The following LINGO2 variants were observed in gnomAD, a reference collection of about 807,000 sequenced individuals.
LINGO2 encodes the protein leucine rich repeat and Ig domain containing 2, also known as leucine-rich repeat and immunoglobulin-like domain-containing nogo receptor-interacting protein 2.
Under a neutral mutation model 30.6 loss-of-function variants are expected in LINGO2, and 14 were observed. The observed-to-expected ratio is 0.46, with a 90% CI of 0.30 to 0.72. LINGO2 has a LOEUF of 0.72. Among genes scored for constraint, LINGO2 ranks in the 30% least tolerant of loss-of-function variants. LINGO2 has a pLI of 0.07. For synonymous variants in LINGO2, 317 were observed against 288.5 expected, an observed-to-expected ratio of 1.10 and a Z score of -1.00; for missense variants, 729 against 751.7, an observed-to-expected ratio of 0.97 and a Z score of 0.35.
the LINGO2 span, among the ~76,000 whole-genome samples, chr9:29,028,673 T>C: frequency 1.3e-5 from 2 of 152,168 alleles, no homozygotes; most frequent in Admixed American, 1.3e-4. Context: ...CTCGCATTCT[T>C]ACTTAGAGTT....
intron 1 of LINGO2, among the ~76,000 whole-genome samples, chr9:28,625,278 C>T (rs952141577): frequency 6.6e-6 from 1 of 152,088 alleles, no homozygotes; most frequent in East Asian, 1.9e-4. Context: ...GAGTTCAATG[C>T]CAAGTCCCTA....
At chr9:29,145,920 G>A in the LINGO2 span, among the ~76,000 whole-genome samples, 10 of 152,054 alleles carry the variant, frequency 6.6e-5, no homozygotes, top group Admixed American at 2.6e-4. Context: ...GTGCATGTAA[G>A]TTATATATGT....
intron 1 of LINGO2, among the ~76,000 whole-genome samples, chr9:28,640,143 G>T (rs1413607473): frequency 6.6e-6 from 1 of 151,968 alleles, no homozygotes; most frequent in African/African-American, 2.4e-5. Flanking sequence ...ATGTTGACTA[G>T]TGGCCCCCAC....
chr9:28,160,575 C>G (rs943987256), intron 4 of LINGO2, among the ~76,000 whole-genome samples: 1 of 152,136 alleles, frequency 6.6e-6, no homozygotes. Flanking sequence ...CCTCCTGCCC[C>G]CCTTCTGCTC....
At chr9:28,685,333 A>G in the LINGO2 span, among the ~76,000 whole-genome samples, 1 of 152,110 alleles carries the variant, frequency 6.6e-6, no homozygotes, top group African/African-American at 2.4e-5. Flanking sequence ...CCACCTGAAG[A>G]ATTAGAGATT....
chr9:28,770,687 G>C, the LINGO2 span, among the ~76,000 whole-genome samples: 2 of 152,042 alleles, frequency 1.3e-5, no homozygotes, highest in Non-Finnish European at 2.9e-5. Flanking sequence ...TCACCATCAA[G>C]ATATACTGCT....
At chr9:27,950,519 G>A (rs868158204) in exon 6 of LINGO2, 1 of 1,581,374 alleles carries the variant, frequency 6.3e-7, no homozygotes, top group Non-Finnish European at 8.6e-7. Context: ...TGCCCTCTGG[G>A]ATGGCGATCA....
At chr9:29,126,855 C>G in the LINGO2 span, among the ~76,000 whole-genome samples, 1 of 152,022 alleles carries the variant, frequency 6.6e-6, no homozygotes, top group African/African-American at 2.4e-5. Flanking sequence ...AAAAGGAAAA[C>G]CTCAACTTTC....
At chr9:28,204,487 A>T (rs755278968) in intron 4 of LINGO2, among the ~76,000 whole-genome samples, 2 of 152,098 alleles carry the variant, frequency 1.3e-5, no homozygotes, top group Non-Finnish European at 2.9e-5. Context: ...ATGGTTACTT[A>T]TTCTAATCAT....
intron 4 of LINGO2, among the ~76,000 whole-genome samples, chr9:28,244,398 A>G (rs1821922868): frequency 6.6e-6 from 1 of 152,190 alleles, no homozygotes; most frequent in Admixed American, 6.5e-5. Context: ...CGACAGAACT[A>G]CAGATGCAAG....
At chr9:28,724,682 G>C in the LINGO2 span, among the ~76,000 whole-genome samples, 1 of 152,118 alleles carries the variant, frequency 6.6e-6, no homozygotes. Context: ...AGCTGATGTG[G>C]GTTGGGAAAA....
chr9:28,813,191 G>A, the LINGO2 span, among the ~76,000 whole-genome samples: 2 of 152,038 alleles, frequency 1.3e-5, no homozygotes, highest in Middle Eastern at 6.8e-3. Context: ...GAAGAAAATG[G>A]GATACAGTAG....
chr9:28,029,721 T>C (rs1453947392), intron 4 of LINGO2, among the ~76,000 whole-genome samples: 2 of 152,212 alleles, frequency 1.3e-5, no homozygotes, highest in Non-Finnish European at 2.9e-5. Flanking sequence ...TTAGCTCTTT[T>C]AGAAATTAAG....
the LINGO2 span, among the ~76,000 whole-genome samples, chr9:29,210,289 T>A: frequency 6.6e-6 from 1 of 152,188 alleles, no homozygotes. Context: ...AGATTAAATG[T>A]CAAGAAAGAA....
intron 3 of LINGO2, among the ~76,000 whole-genome samples, chr9:28,343,300 A>G (rs558485105): frequency 5.3e-4 from 80 of 152,308 alleles, no homozygotes; most frequent in Middle Eastern, 3.4e-3. Flanking sequence ...AATGCTGTTG[A>G]TAAACACACG....
At chr9:28,876,860 C>T in the LINGO2 span, among the ~76,000 whole-genome samples, 1 of 152,002 alleles carries the variant, frequency 6.6e-6, no homozygotes, top group Non-Finnish European at 1.5e-5. Context: ...AGTTTGCAGT[C>T]CCACCAACAG....
the LINGO2 span, among the ~76,000 whole-genome samples, chr9:28,859,873 T>C: frequency 6.6e-6 from 1 of 152,016 alleles, no homozygotes; most frequent in South Asian, 2.1e-4. Flanking sequence ...GAAAGAGAAA[T>C]ATGTAATAGT....
rs3064726 is a variant in LINGO2 at position 28,142,157 on chromosome 9, C to CTT, written c.-86-129754_-86-129753dup. ...GAACTGATTGGGTTACTTTCTTTGTCTTTTTTTTTTTTTTTTTGTGGCAAG... is the reference window on the plus strand; with the variant it reads ...GAACTGATTGGGTTACTTTCTTTGTCTTTTTTTTTTTTTTTTTTTGTGGCAAG... On this transcript the variant is annotated intron_variant, in intron 4 of 5. Coordinates refer to ENST00000379992, the Ensembl canonical transcript of LINGO2. Among the ~76,000 whole-genome samples the CTT allele has an allele frequency of 5.6e-3, 762 of 135,962 alleles. 5 individuals carry two copies. Among genetic ancestry groups the CTT allele is most frequent in the African/African-American group, 9.1e-3 (334 of 36,552 alleles). The allele number at this position is 135,962 out of a possible 152,430, so 89.2% of individuals were successfully genotyped here.
the LINGO2 span, among the ~76,000 whole-genome samples, chr9:28,781,006 T>TTA: frequency 9.2e-5 from 14 of 152,256 alleles, no homozygotes; most frequent in Middle Eastern, 3.4e-3. Context: ...AAGGTAATAC[T>TTA]AATAAGATTT....
Sources: gnomAD v4.1 joint callset for allele counts (sites outside exome capture counted in the v4.1 genomes callset) on GRCh38, gnomAD v4.1.1 for gene constraint, MANE v1.5 for transcripts, NCBI Gene and HGNC (gene_info 2026-07-23, HGNC 2026-07-21) for gene names.